MTHFD2L: variants seen among roughly 807,000 people sequenced by gnomAD.
The protein encoded by MTHFD2L is methylenetetrahydrofolate dehydrogenase (NADP+ dependent) 2 like, also known as bifunctional methylenetetrahydrofolate dehydrogenase/cyclohydrolase 2, mitochondrial.
MTHFD2L carries 29 observed loss-of-function variants against 34.9 expected under a neutral mutation model. The observed-to-expected ratio is 0.83, with a 90% CI of 0.62 to 1.13. MTHFD2L has a LOEUF of 1.13. Among genes scored for constraint, MTHFD2L ranks in the 50% most tolerant of loss-of-function variants. The pLI is 0.00. For synonymous variants in MTHFD2L, 167 were observed against 155.7 expected (o/e 1.07, Z -0.54); for missense variants, 481 against 446.5 (o/e 1.08, Z -0.70).
chr4:74,282,791 C>T (rs1372621878), intron 7 of MTHFD2L, among the ~76,000 whole-genome samples: 4 of 152,136 alleles, frequency 2.6e-5, no homozygotes, highest in Non-Finnish European at 2.9e-5. Flanking sequence ...ATGGTTGGAA[C>T]TCTATTCTAG....
chr4:74,259,062 A>G (rs1317922325), intron 6 of MTHFD2L, among the ~76,000 whole-genome samples: 1 of 152,312 alleles, frequency 6.6e-6, no homozygotes, highest in East Asian at 1.9e-4. Context: ...TTGAGCCATG[A>G]CCCACTACTT....
chr4:74,140,878 C>A (rs993816511), intron 1 of MTHFD2L, among the ~76,000 whole-genome samples: 2 of 152,174 alleles, frequency 1.3e-5, no homozygotes, highest in Non-Finnish European at 2.9e-5. Flanking sequence ...ATTCAATTTT[C>A]TTTTCCTGGT....
intron 6 of MTHFD2L, among the ~76,000 whole-genome samples, chr4:74,267,468 G>A (rs1351136238): frequency 7.4e-5 from 11 of 148,808 alleles, no homozygotes; most frequent in East Asian, 2.0e-4. Flanking sequence ...TGGCGCCATC[G>A]TGGCTCACTG....
chr4:74,145,526 C>T (rs1723545163), intron 1 of MTHFD2L, among the ~76,000 whole-genome samples: 1 of 152,030 alleles, frequency 6.6e-6, no homozygotes, highest in Admixed American at 6.5e-5. Context: ...TATTAGAGAC[C>T]TGAAAGGTAA....
At chr4:74,207,779 T>TTTTTTTTTTTTTC (rs2110074586) in intron 5 of MTHFD2L, among the ~76,000 whole-genome samples, 1 of 151,436 alleles carries the variant, frequency 6.6e-6, no homozygotes, top group African/African-American at 2.4e-5. Flanking sequence ...TTTTTTTTTT[T>TTTTTTTTTTTTTC]TTTGCCAGCC....
At chr4:74,263,095 A>G (rs1456368747) in intron 6 of MTHFD2L, among the ~76,000 whole-genome samples, 2 of 151,734 alleles carry the variant, frequency 1.3e-5, no homozygotes, top group African/African-American at 2.4e-5. Flanking sequence ...TCCTATATAT[A>G]TATGTGTATA....
At chr4:74,264,447 T>C (rs1214361755) in intron 6 of MTHFD2L, among the ~76,000 whole-genome samples, 2 of 151,978 alleles carry the variant, frequency 1.3e-5, no homozygotes, top group Non-Finnish European at 2.9e-5. Context: ...TTACATCTAG[T>C]GTGTGCTTCT....
chr4:74,224,708 T>C (rs1738861929), intron 5 of MTHFD2L, among the ~76,000 whole-genome samples: 1 of 152,182 alleles, frequency 6.6e-6, no homozygotes, highest in African/African-American at 2.4e-5. Context: ...AAAAAAATTT[T>C]GCTATTTTCC....
chr4:74,124,400 T>C (rs141112861), upstream of MTHFD2L, among the ~76,000 whole-genome samples: 300 of 151,892 alleles, frequency 2.0e-3, 2 homozygotes, highest in Middle Eastern at 0.027. Context: ...TATAGCATCA[T>C]GAAGAATACT....
intron 7 of MTHFD2L, among the ~76,000 whole-genome samples, chr4:74,299,549 A>G (rs1405618072): frequency 6.6e-6 from 1 of 152,034 alleles, no homozygotes; most frequent in Non-Finnish European, 1.5e-5. Context: ...TGAAAAGTGG[A>G]AAATGCAGTT....
upstream of MTHFD2L, among the ~76,000 whole-genome samples, chr4:74,119,913 A>T (rs1049645765): frequency 3.9e-5 from 6 of 152,192 alleles, no homozygotes. Context: ...AAGCCATGAA[A>T]CCTTCAGAAC....
In MTHFD2L at chr4:74,158,234, G is replaced by A. The variant is rs1265436435; in HGVS notation, c.96G>A (p.Pro32=). The A allele has an allele frequency of 1.6e-5, 23 of 1,481,698 alleles. No homozygotes were observed. In the Admixed American group the frequency reaches 3.8e-4, roughly 24 times the overall value. The allele number at this position is 1,481,698 out of a possible 1,614,324, so 91.8% of individuals were successfully genotyped here. A position where few individuals can be genotyped will look rare whatever the true frequency, so the allele number is the denominator to read the frequency against. ...GRSTAPSVRA[P]GEPGSAFRGF... is the part of the protein sequence containing the mutation. ...GCACAGCACCCTCCGTAAGGGCACC[G>A]GGAGAGCCCGGGAGTGCGTTCCGGG... Residue 32 remains proline (P), a synonymous_variant, in exon 1 of 8, where the codon CCG becomes CCA. Transcript: ENST00000325278.
At chr4:74,176,879 T>A (rs1729153104) in intron 3 of MTHFD2L, among the ~76,000 whole-genome samples, 1 of 152,042 alleles carries the variant, frequency 6.6e-6, no homozygotes, top group East Asian at 1.9e-4. Context: ...TATATAATGC[T>A]ATTATATGGG....
At chr4:74,205,569 C>T (rs954740384) in intron 5 of MTHFD2L, among the ~76,000 whole-genome samples, 4 of 152,042 alleles carry the variant, frequency 2.6e-5, no homozygotes, top group South Asian at 2.1e-4. Context: ...GACATGGATC[C>T]TAGCTGTTTC....
At chr4:74,138,491 A>G (rs1723086340) in intron 1 of MTHFD2L, among the ~76,000 whole-genome samples, 1 of 152,192 alleles carries the variant, frequency 6.6e-6, no homozygotes, top group African/African-American at 2.4e-5. Context: ...GGGTCATGGT[A>G]GAGAACTGTG....
intron 3 of MTHFD2L, among the ~76,000 whole-genome samples, chr4:74,187,421 C>G (rs1410214661): frequency 2.0e-5 from 3 of 151,962 alleles, no homozygotes; most frequent in African/African-American, 7.3e-5. Flanking sequence ...AAAATAATGA[C>G]AGAGAGAATA....
At chr4:74,120,151 GT>G (rs1560397293), upstream of MTHFD2L, among the ~76,000 whole-genome samples, 1 of 152,160 alleles carries the variant, frequency 6.6e-6, no homozygotes, top group African/African-American at 2.4e-5. Context: ...GCTGCTAAGG[GT>G]ATATGTCATG....
chr4:74,245,194 CAAAAAAAAAAAAAA>C (rs57639523), intron 6 of MTHFD2L, among the ~76,000 whole-genome samples: 1 of 66,362 alleles, frequency 1.5e-5, no homozygotes. Flanking sequence ...GACTCAGTCT[CAAAAAAAAAAAAAA>C]AAAAAAAAAA....
At chr4:74,114,791 T>C (rs1721631416) in intron 2 of MTHFD2L, 1 of 152,234 alleles carries the variant, frequency 6.6e-6, no homozygotes, top group South Asian at 2.1e-4. Context: ...GTGGAGGTCA[T>C]GGGCAAAGCT....
Sources: gnomAD v4.1 joint callset for allele counts (sites outside exome capture counted in the v4.1 genomes callset) on GRCh38, gnomAD v4.1.1 for gene constraint, MANE v1.5 for transcripts, NCBI Gene and HGNC (gene_info 2026-07-23, HGNC 2026-07-21) for gene names.